MOB1B: variants seen among roughly 807,000 people sequenced by gnomAD.
MOB1B encodes MOB kinase activator 1B, also known as MOB1 Mps One Binder homolog B.
MOB1B carries 19 observed loss-of-function variants against 24.4 expected under a neutral mutation model. That is an observed-to-expected ratio of 0.78 (90% CI 0.54 to 1.14). The LOEUF (loss-of-function observed/expected upper bound fraction) is 1.14, where lower values mean the gene tolerates loss of function less well. Among genes scored for constraint, MOB1B ranks in the 50% most tolerant of loss-of-function variants. MOB1B has a pLI of 0.00. For synonymous variants in MOB1B, 76 were observed against 82.1 expected (o/e 0.93, Z 0.40); for missense variants, 243 against 259.6 (o/e 0.94, Z 0.44).
At chr4:70,948,972 C>T (rs1276188201) in intron 1 of MOB1B, among the ~76,000 whole-genome samples, 1 of 152,128 alleles carries the variant, frequency 6.6e-6, no homozygotes, top group Non-Finnish European at 1.5e-5. Flanking sequence ...TTCACTTGTG[C>T]AAAGATCCTG....
intron 4 of MOB1B, among the ~76,000 whole-genome samples, chr4:70,977,088 T>TA (rs1036129253): frequency 2.0e-5 from 3 of 152,062 alleles, no homozygotes; most frequent in Admixed American, 1.3e-4. Context: ...TGTATTTCCT[T>TA]AAAAAAATCA....
At chr4:70,951,941 G>A (rs541242036) in intron 1 of MOB1B, among the ~76,000 whole-genome samples, 30 of 152,322 alleles carry the variant, frequency 2.0e-4, no homozygotes, top group Non-Finnish European at 3.4e-4. Context: ...AGAGAAATTA[G>A]CAATCTAATA....
chr4:70,908,486 C>T (rs1735842748), intron 1 of MOB1B, among the ~76,000 whole-genome samples: 1 of 151,340 alleles, frequency 6.6e-6, no homozygotes, highest in African/African-American at 2.4e-5. Flanking sequence ...TTAAGATTAG[C>T]AATTTAGGCC....
chr4:70,951,194 G>A (rs1270823897), intron 1 of MOB1B, among the ~76,000 whole-genome samples: 2 of 152,088 alleles, frequency 1.3e-5, no homozygotes, highest in Non-Finnish European at 2.9e-5. Flanking sequence ...TAGGAACTGG[G>A]CCTCACAGCA....
At chr4:70,976,669 A>G (rs1739010118) in intron 4 of MOB1B, 2 of 968,866 alleles carry the variant, frequency 2.1e-6, no homozygotes, top group South Asian at 4.8e-5. Flanking sequence ...AGTTGTTGTT[A>G]TGGAGTACTT....
chr4:70,930,197 T>G (rs1736835228), intron 1 of MOB1B, among the ~76,000 whole-genome samples: 1 of 152,200 alleles, frequency 6.6e-6, no homozygotes, highest in African/African-American at 2.4e-5. Context: ...ACTCAGTGTA[T>G]ATCTTGTTTC....
At chr4:70,968,587 A>G (rs757314568) in intron 2 of MOB1B, among the ~76,000 whole-genome samples, 6 of 152,244 alleles carry the variant, frequency 3.9e-5, no homozygotes, top group Non-Finnish European at 7.3e-5. Flanking sequence ...CTGAGATTAC[A>G]GGCGTGAGCC....
rs539286695 is a variant in MOB1B at position 70,909,069 on chromosome 4, T to C, written c.14+6519T>C. 9.3e-5 allele frequency among the ~76,000 whole-genome samples: 14 copies of C among 151,272 alleles called. No individual in the cohort carries two copies. In the South Asian group the frequency reaches 2.7e-3, roughly 29 times the overall value. On this transcript the variant is annotated intron_variant, in intron 1 of 5. Coordinates refer to ENST00000309395, the MANE Select transcript of MOB1B (RefSeq NM_173468.4). The stretch of plus-strand genomic sequence containing the variant: ...CCATCTCAAAAAAAAAAAAAAAAAT[T>C]AGCAATTTAGGAAAAGAGACTCATG...
upstream of MOB1B, chr4:70,902,362 C>T (rs1871048): frequency 8.6e-6 from 6 of 700,286 alleles, no homozygotes; most frequent in African/African-American, 8.9e-5. Flanking sequence ...CGCCCCCTCC[C>T]CCTGCCATTG....
intron 2 of MOB1B, among the ~76,000 whole-genome samples, chr4:70,961,524 T>TAA (rs1216220438): frequency 1.3e-5 from 2 of 152,182 alleles, no homozygotes; most frequent in African/African-American, 2.4e-5. Context: ...AAACCACAGA[T>TAA]AAAGGAGGAC....
At chr4:70,934,055 A>C (rs1736986337) in intron 1 of MOB1B, among the ~76,000 whole-genome samples, 1 of 152,080 alleles carries the variant, frequency 6.6e-6, no homozygotes, top group African/African-American at 2.4e-5. Context: ...CAAATACCAC[A>C]TACATACTTC....
At position 70,985,499 on chromosome 4, in the gene MOB1B, G is replaced by C. The variant is rs1242034349; in HGVS notation, c.*3442G>C. 2 of 151,954 alleles carry C rather than the reference G, an allele frequency of 1.3e-5. No homozygotes were observed. The highest frequency in any genetic ancestry group is 3.9e-4 in the East Asian group (2 of 5,192). The allele number at this position is 151,954 out of a possible 1,614,324, so 9.4% of individuals were successfully genotyped here. A position where few individuals can be genotyped will look rare whatever the true frequency, so the allele number is the denominator to read the frequency against. On this transcript the variant is annotated 3_prime_UTR_variant, in exon 6 of 6. Transcript: ENST00000309395. ...CTAAACACTTTTGGCAGCTTAATATGACCTTTTTAAATTTTTTTTATTTTT... is the reference window on the plus strand; with the variant it reads ...CTAAACACTTTTGGCAGCTTAATATCACCTTTTTAAATTTTTTTTATTTTT...
intron 1 of MOB1B, among the ~76,000 whole-genome samples, chr4:70,929,985 G>A (rs1736824309): frequency 1.3e-5 from 2 of 152,004 alleles, no homozygotes; most frequent in African/African-American, 4.8e-5. Flanking sequence ...GAAGTCCTGG[G>A]CTTGAGCAAT....
intron 4 of MOB1B, chr4:70,976,204 AG>A: frequency 1.0e-6 from 1 of 984,884 alleles, no homozygotes; most frequent in Non-Finnish European, 1.2e-6. Flanking sequence ...TGATGAGATC[AG>A]TATATCTAGG....
chr4:70,936,943 G>T (rs1054736765), intron 1 of MOB1B, among the ~76,000 whole-genome samples: 3 of 151,860 alleles, frequency 2.0e-5, no homozygotes, highest in Non-Finnish European at 4.4e-5. Context: ...TTGAGACGGA[G>T]TCTTGCTCTG....
intron 1 of MOB1B, among the ~76,000 whole-genome samples, chr4:70,937,815 C>G (rs1468164513): frequency 6.6e-6 from 1 of 152,124 alleles, no homozygotes; most frequent in Non-Finnish European, 1.5e-5. Context: ...CGTGAGCCAC[C>G]GTGCCCGGCC....
chr4:70,938,192 G>A (rs1200671683), intron 1 of MOB1B, among the ~76,000 whole-genome samples: 1 of 151,736 alleles, frequency 6.6e-6, no homozygotes, highest in South Asian at 2.1e-4. Context: ...GTGTGCATGA[G>A]TGTGGAGGGT....
At chr4:70,941,454 G>A (rs1737335039) in intron 1 of MOB1B, among the ~76,000 whole-genome samples, 1 of 152,072 alleles carries the variant, frequency 6.6e-6, no homozygotes, top group African/African-American at 2.4e-5. Context: ...CCATTCTCCT[G>A]CCTCAGCCTC....
Position 70,975,248 on chromosome 4 carries a change from A to AC in MOB1B, c.373dup (p.Gln125ProfsTer4), listed in dbSNP as rs1738936516. Reference sequence around the variant, plus strand: ...GATTACTTGATGACTTGGGTTCAGGACCAGTTGGATGATGAGACGTTATTT... The same window carrying AC: ...GATTACTTGATGACTTGGGTTCAGGACCCAGTTGGATGATGAGACGTTATTT... On this transcript the variant is annotated frameshift_variant, in exon 4 of 6. Transcript: ENST00000309395. LOFTEE classifies it high-confidence loss of function. 6.2e-7 allele frequency: 1 copy of AC among 1,613,532 alleles called. No homozygotes were observed. Among genetic ancestry groups the AC allele is most frequent in the African/African-American group, 1.3e-5 (1 of 74,922 alleles).
Sources: gnomAD v4.1 joint callset for allele counts (sites outside exome capture counted in the v4.1 genomes callset) on GRCh38, gnomAD v4.1.1 for gene constraint, MANE v1.5 for transcripts, NCBI Gene and HGNC (gene_info 2026-07-23, HGNC 2026-07-21) for gene names.